Variants in PKHD1 observed in about 807,000 individuals in gnomAD.
PKHD1 encodes the protein PKHD1 ciliary IPT domain containing fibrocystin/polyductin.
In PKHD1, 291 loss-of-function variants were observed where a neutral mutation model predicts 412.0. The ratio of observed to expected loss-of-function variants is 0.71; its 90% CI spans 0.64 to 0.78. The LOEUF (loss-of-function observed/expected upper bound fraction) is 0.78. PKHD1 is among the 30% of genes least tolerant of loss of function. PKHD1 has a pLI of 0.00. For missense variants in PKHD1, 4,825 were observed against 4,950.7 expected, an observed-to-expected ratio of 0.97 and a Z score of 0.76; for synonymous variants, 1,777 against 1,821.5, an observed-to-expected ratio of 0.98 and a Z score of 0.62.
chr6:51,659,733 T>C lies in PKHD1; in HGVS notation c.10393A>G (p.Ile3465Val), dbSNP rs745808365. The stretch of plus-strand genomic sequence containing the variant: ...AAGCAGACTTTGGTGATTTGCCTGA[T>C]GGGTAAGATAGAATAGAAAGTAGAC... ...SVSTFYSILPIRQITKVCFMD... is the reference protein window; with the variant it reads ...SVSTFYSILPVRQITKVCFMD... The change falls in exon 61 of 67, where the codon ATC becomes GTC. Residue 3465 changes from isoleucine to valine, a missense_variant. Physicochemically the swap from Ile to Val is conservative, Grantham distance 29. Coordinates refer to ENST00000371117, the MANE Select transcript of PKHD1 (RefSeq NM_138694.4). 5 of 1,613,666 alleles carry C rather than the reference T, an allele frequency of 3.1e-6. No homozygotes were observed. In the African/African-American group the frequency reaches 6.7e-5, roughly 22 times the overall value.
At chr6:51,797,723 C>T (rs1794822806) in intron 52 of PKHD1, among the ~76,000 whole-genome samples, 1 of 152,146 alleles carries the variant, frequency 6.6e-6, no homozygotes, top group African/African-American at 2.4e-5. Flanking sequence ...CTCTTGAAGA[C>T]AGCACACTGA....
chr6:51,753,958 C>T (rs1027914047), intron 56 of PKHD1, among the ~76,000 whole-genome samples: 2 of 152,142 alleles, frequency 1.3e-5, no homozygotes, highest in African/African-American at 2.4e-5. Context: ...TTACTGAAAT[C>T]ATTGCTGAAG....
intron 34 of PKHD1, among the ~76,000 whole-genome samples, chr6:52,011,195 T>C (rs1209547160): frequency 2.6e-5 from 4 of 152,276 alleles, no homozygotes; most frequent in African/African-American, 9.6e-5. Flanking sequence ...AGTGTAGCAT[T>C]ACAGAAAGTC....
intron 53 of PKHD1, among the ~76,000 whole-genome samples, chr6:51,788,207 C>T (rs1038952740): frequency 2.6e-5 from 4 of 152,022 alleles, no homozygotes; most frequent in Non-Finnish European, 5.9e-5. Context: ...TTAGAGCTGA[C>T]AGTGTAGTTG....
chr6:51,766,615 A>ATATGTTTATTTTTTTTTTTT (rs1789067963), intron 55 of PKHD1, among the ~76,000 whole-genome samples: 1 of 150,932 alleles, frequency 6.6e-6, no homozygotes, highest in Admixed American at 6.6e-5. Context: ...TGGTGTATTC[A>ATATGTTTATTTTTTTTTTTT]TATTTTTATT....
At chr6:51,930,685 G>T (rs1202209563) in intron 37 of PKHD1, among the ~76,000 whole-genome samples, 1 of 152,196 alleles carries the variant, frequency 6.6e-6, no homozygotes. Context: ...ATTCAGCATT[G>T]CTGCTGAATA....
At chr6:51,815,338 G>A (rs182454790) in intron 52 of PKHD1, among the ~76,000 whole-genome samples, 141 of 152,284 alleles carry the variant, frequency 9.3e-4, no homozygotes, top group African/African-American at 3.3e-3. Context: ...ATATATCCAA[G>A]GTGTTGTAGG....
At chr6:51,880,763 T>G (rs1423297315) in intron 46 of PKHD1, among the ~76,000 whole-genome samples, 1 of 15,016 alleles carries the variant, frequency 6.7e-5, no homozygotes, top group Non-Finnish European at 1.0e-4. Flanking sequence ...ACTTAGAGTA[T>G]AATAAAAAAA....
At chr6:51,653,075 T>A (rs1771217739) in intron 61 of PKHD1, among the ~76,000 whole-genome samples, 1 of 152,128 alleles carries the variant, frequency 6.6e-6, no homozygotes, top group African/African-American at 2.4e-5. Context: ...ATCAACATAT[T>A]TCTATATAGT....
intron 62 of PKHD1, among the ~76,000 whole-genome samples, chr6:51,648,657 T>A (rs563188374): frequency 1.3e-5 from 2 of 152,318 alleles, no homozygotes; most frequent in East Asian, 3.9e-4. Flanking sequence ...GCACAGAAAC[T>A]TCTTGTTTTA....
rs58262423 is a variant in PKHD1, at chr6:51,891,712, AACACAC to A, written c.6997-4473_6997-4468del. Among the ~76,000 whole-genome samples, 716 of 143,824 alleles carry A rather than the reference AACACAC, an allele frequency of 5.0e-3. 6 individuals carry two copies. The highest frequency in any genetic ancestry group is 0.016 in the African/African-American group (622 of 38,966). 94.4% of individuals were successfully genotyped at this position (143,824 alleles called of 152,430 possible). On this transcript the variant is annotated intron_variant, in intron 43 of 66. Transcript: ENST00000371117. ...TGAATGTACCACATGTTCCACAAGG[AACACAC>A]ACACACACACACACACACACACACA...
At chr6:52,044,507 G>T (rs962210145) in intron 25 of PKHD1, among the ~76,000 whole-genome samples, 1 of 152,082 alleles carries the variant, frequency 6.6e-6, no homozygotes, top group Non-Finnish European at 1.5e-5. Context: ...TCAATTTTCA[G>T]TTTGGGTCCC....
chr6:51,682,002 GC>G (rs1381788721), intron 60 of PKHD1, among the ~76,000 whole-genome samples: 1 of 152,090 alleles, frequency 6.6e-6, no homozygotes, highest in Non-Finnish European at 1.5e-5. Context: ...TGATCTTTCA[GC>G]TTGAGTTCCT....
At chr6:51,867,785 C>T in intron 48 of PKHD1, 78 bp downstream of exon 48, 3 of 1,323,084 alleles carry the variant, frequency 2.3e-6, no homozygotes, top group South Asian at 1.2e-5. Context: ...AAACAATTTC[C>T]CTTCTATAAG....
At chr6:51,868,437 G>C (rs1175657144) in intron 47 of PKHD1, among the ~76,000 whole-genome samples, 2 of 150,968 alleles carry the variant, frequency 1.3e-5, no homozygotes, top group South Asian at 2.1e-4. Context: ...ATCATTTTTG[G>C]CTGTCACAAT....
intron 43 of PKHD1, among the ~76,000 whole-genome samples, chr6:51,899,484 T>C (rs1164736553): frequency 2.6e-5 from 4 of 151,942 alleles, no homozygotes; most frequent in Non-Finnish European, 4.4e-5. Flanking sequence ...TGCTAAAAAC[T>C]CTCAATAAAT....
intron 60 of PKHD1, among the ~76,000 whole-genome samples, chr6:51,695,471 A>G (rs1195983751): frequency 1.3e-5 from 2 of 152,166 alleles, no homozygotes; most frequent in Non-Finnish European, 2.9e-5. Flanking sequence ...AGGAAGAAGA[A>G]GAGGAAGGAG....
At chr6:51,882,981 G>A in intron 46 of PKHD1, 112 bp downstream of exon 46, 1 of 798,194 alleles carries the variant, frequency 1.3e-6, no homozygotes, top group Non-Finnish European at 2.1e-6. Flanking sequence ...AATTAAATAT[G>A]AGATTCACTA....
chr6:51,998,880 A>G (rs906927975), intron 35 of PKHD1, among the ~76,000 whole-genome samples: 3 of 152,178 alleles, frequency 2.0e-5, no homozygotes, highest in South Asian at 2.1e-4. Context: ...TGTTGGCTCC[A>G]TGGAGAGATA....
Sources: allele counts gnomAD v4.1 joint callset (sites outside exome capture counted in the v4.1 genomes callset), GRCh38; gene constraint gnomAD v4.1.1; transcripts MANE v1.5; gene names NCBI Gene and HGNC (gene_info 2026-07-23, HGNC 2026-07-21).